Variants in C3 observed in about 807,000 individuals in gnomAD.
C3 encodes complement C3.
Under a neutral mutation model 207.9 loss-of-function variants are expected in C3, and 97 were observed. That is an observed-to-expected ratio of 0.47 (90% CI 0.40 to 0.55). The LOEUF is 0.55. Among genes scored for constraint, C3 ranks in the 20% least tolerant of loss-of-function variants. The pLI is 0.00. For missense variants in C3, 1,684 were observed against 2,171.7 expected, an observed-to-expected ratio of 0.78 and a Z score of 4.46; for synonymous variants, 848 against 857.6, an observed-to-expected ratio of 0.99 and a Z score of 0.20.
rs760790105 is a variant in C3, at chr19:6,712,347, G to A, written c.1179C>T (p.Gly393=). The A allele has an allele frequency of 4.3e-6, 7 of 1,614,114 alleles. No individual in the cohort carries two copies. The highest frequency in any genetic ancestry group is 3.3e-5 in the South Asian group (3 of 91,086). ...PAYRVPVAVQ[G]EDTVQSLTQG... is the part of the protein sequence containing the mutation. Reference sequence around the variant, plus strand: ...GGGTTAGAGACTGCACAGTGTCCTCGCCCTGGACTGCCACGGGGACTCGGT... The same window carrying A: ...GGGTTAGAGACTGCACAGTGTCCTCACCCTGGACTGCCACGGGGACTCGGT... The change falls in exon 11 of 41, where the codon GGC becomes GGT. Residue 393 remains glycine, a synonymous_variant. Coordinates refer to ENST00000245907, the MANE Select transcript of C3 (RefSeq NM_000064.4).
At chr19:6,707,778 C>T (rs908361543) in intron 15 of C3, 22 bp downstream of exon 15, 29 of 1,612,156 alleles carry the variant, frequency 1.8e-5, no homozygotes, top group East Asian at 4.5e-5. Context: ...GTCCCTGCAC[C>T]GGCCCCTGGT....
In C3 at chr19:6,684,800, T is replaced by A. The variant is rs776759657; in HGVS notation, c.4004A>T (p.Glu1335Val). ...KENEGFTVTA[E>V]GKGQGTLSVV... is the part of the protein sequence containing the mutation. ...CGACAAGGTGCCTTGGCCTTTTCCT[T>A]CAGCTGTGACTGTGAAACCCTCATT... is the stretch of plus-strand genomic sequence containing the variant. Residue 1335 changes from glutamate to valine, a missense_variant, in exon 31 of 41, where the codon GAA becomes GTA. Glu to Val is a moderately radical substitution (Grantham distance 121, BLOSUM62 -2). Transcript: ENST00000245907. The A allele has an allele frequency of 3.1e-6, 5 of 1,614,042 alleles. No individual in the cohort carries two copies. In the African/African-American group the frequency reaches 5.3e-5, roughly 17 times the overall value.
rs370557077 is a variant in C3, at chr19:6,710,843, G to T, written c.1482C>A (p.Ile494=). The T allele has an allele frequency of 1.2e-6, 2 of 1,613,238 alleles. No individual in the cohort carries two copies. Among genetic ancestry groups the T allele is most frequent in the African/African-American group, 2.7e-5 (2 of 74,922 alleles). Residue 494 remains isoleucine, a splice_region_variant and synonymous_variant, in exon 13 of 41, where the codon ATC becomes ATA. Coordinates refer to ENST00000245907, the MANE Select transcript of C3 (RefSeq NM_000064.4). ...EAKIRYYTYL[I]MNKGRLLKAG... ...CCTTCAACAGCCTGCCCTTGTTCAT[G>T]ATCTGGGGGGACAGGCTGGCATCAG...
At chr19:6,686,085 A>C (rs1347259058) in intron 29 of C3, 39 bp downstream of exon 29, 13 of 1,608,122 alleles carry the variant, frequency 8.1e-6, no homozygotes, top group Non-Finnish European at 1.1e-5. Context: ...GCCGCAGGAG[A>C]CAGGGATGCA....
chr19:6,690,686 C>T lies in C3; in HGVS notation c.3432G>A (p.Thr1144=), dbSNP rs761564977. Residue 1144 remains threonine (T), a synonymous_variant, in exon 27 of 41, where the codon ACG becomes ACA. Transcript: ENST00000245907. ...CCTGCAGCGAGATGAGAACAAAGGC[C>T]GTGAGGGCCATGTCTTTCTCGTTGT... ...RNNNEKDMAL[T]AFVLISLQEA... is the part of the protein sequence containing the mutation. The T allele has an allele frequency of 4.3e-6, 7 of 1,614,072 alleles. No individual in the cohort carries two copies. The highest frequency in any genetic ancestry group is 1.6e-4 in the Middle Eastern group (1 of 6,082).
chr19:6,680,117 C>T (rs1457984064), intron 36 of C3, 41 bp downstream of exon 36: 2 of 1,100,014 alleles, frequency 1.8e-6, no homozygotes, highest in Admixed American at 1.7e-5. Flanking sequence ...CTCTCAGGCC[C>T]CTGGAACCAT....
Position 6,686,832 on chromosome 19 carries a change from T to G in C3, c.3560A>C (p.Tyr1187Ser). Residue 1187 changes from tyrosine to serine, a missense_variant, in exon 28 of 41, where the codon TAC (tyrosine) becomes TCC (serine). By Grantham distance (144) the Tyr-to-Ser change is moderately radical. Around this residue, in one of 3 missense-constraint regions of C3, gnomAD observed 1,280 missense variants for 1,739.1 expected, o/e 0.74. Coordinates refer to ENST00000245907, the MANE Select transcript of C3 (RefSeq NM_000064.4). ...AGCATAGCCAGCAATGGCCACAGTGTAGGATCTCTGTAGGTTCATGTAGTT... is the reference window on the plus strand; with the variant it reads ...AGCATAGCCAGCAATGGCCACAGTGGAGGATCTCTGTAGGTTCATGTAGTT... ...EANYMNLQRS[Y>S]TVAIAGYALA... The G allele has an allele frequency of 6.2e-7, 1 of 1,613,892 alleles. No individual in the cohort carries two copies. Among genetic ancestry groups the G allele is most frequent in the Non-Finnish European group, 8.5e-7 (1 of 1,179,744 alleles).
Position 6,684,569 on chromosome 19 carries a change from G to A in C3, c.4111C>T (p.Pro1371Ser), listed in dbSNP as rs1369718625. 1 of 1,613,468 alleles carries A rather than the reference G, an allele frequency of 6.2e-7. No individual in the cohort carries two copies. Among genetic ancestry groups the A allele is most frequent in the African/African-American group, 1.3e-5 (1 of 75,044 alleles). Residue 1371 changes from proline (P) to serine (S), a missense_variant, in exon 32 of 41, where the codon CCG becomes TCG. Physicochemically the swap from Pro to Ser is moderately conservative, Grantham distance 74 (BLOSUM62 -1). Coordinates refer to ENST00000245907, the MANE Select transcript of C3 (RefSeq NM_000064.4). ...FDLKVTIKPA[P>S]ETEKRPQDAK... is the part of the protein sequence containing the mutation. Reference sequence around the variant, plus strand: ...CCTTGATTCCTTTTACCTGTTTCCGGTGCTGGTTTTATGGTGACCTTGAGG... The same window carrying A: ...CCTTGATTCCTTTTACCTGTTTCCGATGCTGGTTTTATGGTGACCTTGAGG...
At chr19:6,704,897 CAA>C (rs1197483325) in intron 17 of C3, among the ~76,000 whole-genome samples, 13 of 114,840 alleles carry the variant, frequency 1.1e-4, no homozygotes, top group Admixed American at 2.8e-4. Flanking sequence ...GATTCCATCT[CAA>C]AAAAAAAAAA....
At chr19:6,712,687 A>G in intron 9 of C3, 64 bp from the exon 10 acceptor site, 1 of 1,340,180 alleles carries the variant, frequency 7.5e-7, no homozygotes, top group Middle Eastern at 1.8e-4. Flanking sequence ...CTCCTCCCTC[A>G]GAATGGACCC....
intron 25 of C3, 57 bp from the exon 26 acceptor site, chr19:6,693,140 C>G (rs1918207912): frequency 1.3e-6 from 2 of 1,594,490 alleles, no homozygotes; most frequent in Non-Finnish European, 1.7e-6. Flanking sequence ...ACTGCCATGT[C>G]AACCAGCCAA....
rs1967896224 is a variant in C3, at chr19:6,710,558, AGAG to A, written c.1686+78_1686+80del. 7 of 1,038,872 alleles carry A rather than the reference AGAG, an allele frequency of 6.7e-6. 1 individual carries two copies. The highest frequency in any genetic ancestry group is 4.2e-5 in the South Asian group (3 of 71,940). 64.4% of individuals were successfully genotyped at this position (1,038,872 alleles called of 1,614,324 possible). A position where few individuals can be genotyped will look rare whatever the true frequency, so the allele number is the denominator to read the frequency against. ...GAGAAAAGGAGAAAGGGAGAGAGAG[AGAG>A]AGAGGAGACAGGGAGAGAGAGAGAG... is the stretch of plus-strand genomic sequence containing the variant. On this transcript the variant is annotated intron_variant, in intron 13 of 40. Transcript: ENST00000245907.
intron 23 of C3, 46 bp downstream of exon 23, chr19:6,696,333 C>T (rs201392736): frequency 1.5e-6 from 2 of 1,355,432 alleles, no homozygotes; most frequent in Admixed American, 3.8e-5. Flanking sequence ...TTGGCTCCAT[C>T]CATGCCCTCC....
At chr19:6,711,295 G>C in intron 11 of C3, 99 bp from the exon 12 acceptor site, 3 of 917,252 alleles carry the variant, frequency 3.3e-6, no homozygotes, top group Non-Finnish European at 5.2e-6. Context: ...TAACAAAAGG[G>C]GCTTTGCAGA....
intron 27 of C3, among the ~76,000 whole-genome samples, chr19:6,687,572 T>C (rs1191029240): frequency 6.6e-6 from 1 of 152,146 alleles, no homozygotes; most frequent in Non-Finnish European, 1.5e-5. Context: ...TTTGTACTGT[T>C]TTCTCATTTC....
intron 40 of C3, 21 bp from the exon 41 acceptor site, chr19:6,678,044 T>C: frequency 6.2e-7 from 1 of 1,613,504 alleles, no homozygotes; most frequent in Non-Finnish European, 8.5e-7. Context: ...GAATGGCAGG[T>C]CAGGAAGGGG....
At chr19:6,713,572 T>C in intron 7 of C3, 63 bp from the exon 8 acceptor site, 3 of 1,282,806 alleles carry the variant, frequency 2.3e-6, no homozygotes, top group Non-Finnish European at 3.4e-6. Context: ...CTCCCCCAGC[T>C]TCTCCTGCCT....
At chr19:6,718,941 G>A (rs1195628326) in intron 2 of C3, among the ~76,000 whole-genome samples, 1 of 132,038 alleles carries the variant, frequency 7.6e-6, no homozygotes, top group Non-Finnish European at 1.6e-5. Flanking sequence ...TGGGGTCTCA[G>A]GGAAGGTCAG....
rs1447175740 is a variant in C3 at position 6,707,835 on chromosome 19, G to A, written c.1940C>T (p.Thr647Met). 20 of 1,613,828 alleles carry A rather than the reference G, an allele frequency of 1.2e-5. No individual in the cohort carries two copies. The East Asian group carries it at 3.6e-4, about 29-fold the overall frequency. The change falls in exon 15 of 41, where the codon ACG (threonine) becomes ATG (methionine). Residue 647 changes from threonine (T) to methionine (M), a missense_variant. Around this residue, in one of 3 missense-constraint regions of C3, gnomAD observed 1,280 missense variants for 1,739.1 expected, o/e 0.74. Coordinates refer to ENST00000245907, the MANE Select transcript of C3 (RefSeq NM_000064.4). Reference sequence around the variant, plus strand: ...GGCGGTCTGCTGGCCACTGCTGCTCGTGAAGGTCAGCCCTGCGTCGGAGAA... The same window carrying A: ...GGCGGTCTGCTGGCCACTGCTGCTCATGAAGGTCAGCCCTGCGTCGGAGAA... The part of the protein sequence containing the change: ...GVFSDAGLTF[T>M]SSSGQQTAQR...
Sources: gnomAD v4.1 joint callset for allele counts (sites outside exome capture counted in the v4.1 genomes callset) on GRCh38, gnomAD v4.1.1 for gene constraint, gnomAD v4.1.1 regional missense constraint, MANE v1.5 for transcripts, NCBI Gene and HGNC (gene_info 2026-07-23, HGNC 2026-07-21) for gene names.